The following FGF13 variants were observed in gnomAD, a reference collection of about 807,000 sequenced individuals.
FGF13 encodes the protein fibroblast growth factor homologous factor 2.
A neutral mutation model predicts 19.5 loss-of-function variants in FGF13; 2 were observed. The ratio of observed to expected loss-of-function variants is 0.10; its 90% CI spans 0.04 to 0.32. FGF13 has a LOEUF of 0.32. Ranked by LOEUF, FGF13 falls within the 10% of genes least tolerant of loss-of-function variation. FGF13 has a pLI of 1.00. For synonymous variants in FGF13, 72 were observed against 76.9 expected (o/e 0.94, Z 0.33); for missense variants, 113 against 192.7 (o/e 0.59, Z 2.45).
chrX:138,910,605 G>A, intron 1 of FGF13, among the ~76,000 whole-genome samples: 1 of 112,301 alleles, frequency 8.9e-6, no homozygotes, highest in South Asian at 3.7e-4. Context: ...AAAAAGCTGA[G>A]ATTTGAAGGA....
downstream of FGF13, among the ~76,000 whole-genome samples, chrX:138,857,304 C>T (rs1361498553): frequency 2.7e-5 from 3 of 111,277 alleles, no homozygotes; most frequent in Non-Finnish European, 5.7e-5. Flanking sequence ...AGCAGGGTGA[C>T]GCTGTGCGCT....
At chrX:138,907,205 C>T (rs909882996) in intron 1 of FGF13, among the ~76,000 whole-genome samples, 2 of 111,468 alleles carry the variant, frequency 1.8e-5, no homozygotes, top group Non-Finnish European at 3.8e-5. Flanking sequence ...TAAGGGAATG[C>T]GGACAAGGAG....
chrX:139,170,187 T>C (rs1288185089), intron 1 of FGF13, among the ~76,000 whole-genome samples: 1 of 111,799 alleles, frequency 8.9e-6, no homozygotes, highest in Non-Finnish European at 1.9e-5. Flanking sequence ...CCACCCTCTG[T>C]CTTGCCCAGA....
At chrX:139,061,772 A>C (rs1603171046) in intron 1 of FGF13, among the ~76,000 whole-genome samples, 1 of 110,648 alleles carries the variant, frequency 9.0e-6, no homozygotes, top group East Asian at 2.8e-4. Flanking sequence ...AAAGGGTATG[A>C]AGTGGTATCT....
chrX:138,831,101 C>A (rs373205565), intron 3 of FGF13, among the ~76,000 whole-genome samples: 1 of 111,429 alleles, frequency 9.0e-6, no homozygotes, highest in Non-Finnish European at 1.9e-5. Flanking sequence ...TGCTCCAGAA[C>A]GTACAAGCCA....
chrX:139,102,992 G>C, intron 1 of FGF13, among the ~76,000 whole-genome samples: 1 of 112,601 alleles, frequency 8.9e-6, no homozygotes. Context: ...TGAGGATCTT[G>C]GGAGATAAGG....
chrX:138,895,125 T>G (rs2091497484), intron 1 of FGF13, among the ~76,000 whole-genome samples: 1 of 112,101 alleles, frequency 8.9e-6, no homozygotes, highest in Non-Finnish European at 1.9e-5. Context: ...GCTCCCTTAC[T>G]TGACAACCTA....
chrX:138,817,504 T>C (rs1471360791), intron 3 of FGF13, among the ~76,000 whole-genome samples: 1 of 112,225 alleles, frequency 8.9e-6, no homozygotes. Flanking sequence ...GGCTAAACTT[T>C]ATATAATTTT....
chrX:138,882,411 T>C (rs2091431251), intron 1 of FGF13, among the ~76,000 whole-genome samples: 1 of 111,993 alleles, frequency 8.9e-6, no homozygotes, highest in Admixed American at 9.5e-5. Flanking sequence ...TACAGCGTGA[T>C]TCTATTTAAC....
intron 1 of FGF13, among the ~76,000 whole-genome samples, chrX:139,043,271 G>C (rs2092276234): frequency 9.0e-6 from 1 of 110,658 alleles, no homozygotes; most frequent in Admixed American, 9.6e-5. Flanking sequence ...GAGTGCAGTG[G>C]TACAATCTCG....
chrX:138,758,737 A>C (rs1368447300), intron 3 of FGF13, among the ~76,000 whole-genome samples: 1 of 112,513 alleles, frequency 8.9e-6, no homozygotes, highest in African/African-American at 3.2e-5. Flanking sequence ...CAGAAGTAAG[A>C]AAATTTATCC....
chrX:138,807,374 T>C (rs1032134293), intron 3 of FGF13, among the ~76,000 whole-genome samples: 1 of 111,278 alleles, frequency 9.0e-6, no homozygotes, highest in African/African-American at 3.3e-5. Context: ...AATAAAATCC[T>C]TTACAGACAA....
In FGF13 at chrX:138,626,852, A is replaced by G. The variant is rs1421696840; in HGVS notation, c.*5998T>C. 8.9e-6 allele frequency: 1 copy of G among 112,141 alleles called. No individual in the cohort carries two copies. Among genetic ancestry groups the G allele is most frequent in the Non-Finnish European group, 1.9e-5 (1 of 53,296 alleles). The allele number at this position is 112,141 out of a possible 1,213,427, so 9.2% of individuals were successfully genotyped here. On this transcript the variant is annotated 3_prime_UTR_variant, in exon 5 of 5. Transcript: ENST00000315930. ...ACGTTCTTAAGACCCATGAAAGTCA[A>G]ATATTGTTCAAGCTGTTTTATTCAG... is the stretch of plus-strand genomic sequence containing the variant.
intron 1 of FGF13, among the ~76,000 whole-genome samples, chrX:138,984,755 A>AGGGAGGAGGG (rs1569436344): frequency 9.3e-6 from 1 of 107,643 alleles, no homozygotes; most frequent in Non-Finnish European, 1.9e-5. Flanking sequence ...GAGGAGAAGG[A>AGGGAGGAGGG]GGAGAAAAGC....
At chrX:139,160,075 A>G (rs974401544) in intron 1 of FGF13, among the ~76,000 whole-genome samples, 8 of 111,803 alleles carry the variant, frequency 7.2e-5, no homozygotes, top group Non-Finnish European at 1.3e-4. Context: ...TCTAAAATCG[A>G]CCACATAATT....
intron 1 of FGF13, among the ~76,000 whole-genome samples, chrX:139,149,306 C>T (rs2083914728): frequency 8.9e-6 from 1 of 111,924 alleles, no homozygotes; most frequent in Non-Finnish European, 1.9e-5. Context: ...TATTGCAATA[C>T]ATTAGATTAA....
At chrX:138,872,400 G>T (rs1022884134) in intron 1 of FGF13, among the ~76,000 whole-genome samples, 1 of 111,591 alleles carries the variant, frequency 9.0e-6, no homozygotes, top group Non-Finnish European at 1.9e-5. Flanking sequence ...TATTAACATT[G>T]CAGGAGAGTA....
At chrX:138,865,033 T>C (rs960345951) in intron 1 of FGF13, among the ~76,000 whole-genome samples, 3 of 111,673 alleles carry the variant, frequency 2.7e-5, no homozygotes, top group African/African-American at 9.8e-5. Context: ...ATTGAGGTGG[T>C]TTGGGCTGGA....
chrX:138,781,544 C>T (rs1199966387), intron 3 of FGF13, among the ~76,000 whole-genome samples: 20 of 110,063 alleles, frequency 1.8e-4, no homozygotes, highest in African/African-American at 3.6e-4. Context: ...AACACCTCTA[C>T]GCAAATAAAC....
Sources: gnomAD v4.1 joint callset for allele counts (sites outside exome capture counted in the v4.1 genomes callset) on GRCh38, gnomAD v4.1.1 for gene constraint, MANE v1.5 for transcripts, NCBI Gene and HGNC (gene_info 2026-07-23, HGNC 2026-07-21) for gene names.